Variants in CDH13 observed in about 807,000 individuals in gnomAD.
The protein encoded by CDH13 is cadherin-13.
Under a neutral mutation model 63.8 loss-of-function variants are expected in CDH13, and 24 were observed. The ratio of observed to expected loss-of-function variants is 0.38; its 90% CI spans 0.27 to 0.53. The LOEUF is 0.53. Among genes scored for constraint, CDH13 ranks in the 20% least tolerant of loss-of-function variants. The pLI is 0.85. For synonymous variants in CDH13, 503 were observed against 355.3 expected, an observed-to-expected ratio of 1.42 and a Z score of -4.67; for missense variants, 1,049 against 903.1, an observed-to-expected ratio of 1.16 and a Z score of -2.07.
At chr16:82,803,942 T>C (rs1243332801) in intron 1 of CDH13, among the ~76,000 whole-genome samples, 2 of 152,116 alleles carry the variant, frequency 1.3e-5, no homozygotes, top group Non-Finnish European at 2.9e-5. Flanking sequence ...TAAAAATGTG[T>C]TCAGAGGCTG....
intron 2 of CDH13, among the ~76,000 whole-genome samples, chr16:82,962,281 A>C (rs1209348477): frequency 1.3e-5 from 2 of 152,240 alleles, no homozygotes; most frequent in African/African-American, 2.4e-5. Context: ...TATGGCCCCA[A>C]GCCAAGGATT....
chr16:83,123,933 A>G (rs993207226), intron 3 of CDH13, among the ~76,000 whole-genome samples: 1 of 152,150 alleles, frequency 6.6e-6, no homozygotes, highest in African/African-American at 2.4e-5. Flanking sequence ...TTGTCGTTTC[A>G]ATTTGCATTT....
intron 1 of CDH13, among the ~76,000 whole-genome samples, chr16:82,676,749 G>A (rs562540640): frequency 6.6e-6 from 1 of 151,998 alleles, no homozygotes; most frequent in Non-Finnish European, 1.5e-5. Flanking sequence ...TCTGAGACCA[G>A]CCCCTCCATT....
intron 2 of CDH13, among the ~76,000 whole-genome samples, chr16:82,905,849 T>C (rs567448263): frequency 9.1e-4 from 138 of 152,338 alleles, no homozygotes; most frequent in Non-Finnish European, 1.5e-3. Flanking sequence ...TTTCAAATGC[T>C]TAGTAACCAC....
chr16:82,902,030 A>C (rs1032096363), intron 2 of CDH13, among the ~76,000 whole-genome samples: 1 of 152,238 alleles, frequency 6.6e-6, no homozygotes, highest in Non-Finnish European at 1.5e-5. Context: ...ATTACGTGGC[A>C]GAGTCAAGAC....
chr16:83,745,151 C>T (rs373700967), intron 10 of CDH13, among the ~76,000 whole-genome samples: 48 of 152,284 alleles, frequency 3.2e-4, no homozygotes, highest in South Asian at 1.0e-3. Context: ...ATGTAAGGCT[C>T]GATGCTGCTG....
At chr16:83,403,814 AC>A (rs1188669237) in intron 6 of CDH13, among the ~76,000 whole-genome samples, 1 of 152,156 alleles carries the variant, frequency 6.6e-6, no homozygotes, top group Non-Finnish European at 1.5e-5. Flanking sequence ...TTACCTAGAT[AC>A]AAAAAGTTCA....
chr16:83,128,632 C>T (rs1379170255), intron 4 of CDH13, among the ~76,000 whole-genome samples: 1 of 152,208 alleles, frequency 6.6e-6, no homozygotes, highest in East Asian at 1.9e-4. Flanking sequence ...ATGTAGCCAT[C>T]CTATAGTTTT....
At chr16:83,615,513 CT>C (rs572825392) in intron 8 of CDH13, among the ~76,000 whole-genome samples, 8 of 151,918 alleles carry the variant, frequency 5.3e-5, no homozygotes, top group South Asian at 2.1e-4. Context: ...ATATGTGAGG[CT>C]TTTTTTTCCT....
At chr16:82,897,470 C>G (rs1282320399) in intron 2 of CDH13, among the ~76,000 whole-genome samples, 2 of 152,252 alleles carry the variant, frequency 1.3e-5, no homozygotes, top group Non-Finnish European at 2.9e-5. Flanking sequence ...ACTTTTGGCT[C>G]TCTCAGCTAC....
chr16:83,581,738 G>A (rs1469144038), intron 7 of CDH13, among the ~76,000 whole-genome samples: 2 of 152,312 alleles, frequency 1.3e-5, no homozygotes, highest in African/African-American at 4.8e-5. Flanking sequence ...AGGATCACTT[G>A]AGCCCAGGAG....
At chr16:83,059,927 G>T (rs1001844460) in intron 3 of CDH13, among the ~76,000 whole-genome samples, 2 of 151,486 alleles carry the variant, frequency 1.3e-5, no homozygotes, top group African/African-American at 4.9e-5. Context: ...CCGAGTAGCT[G>T]GGACTACAGG....
At chr16:83,314,617 A>G (rs565032670) in intron 5 of CDH13, among the ~76,000 whole-genome samples, 6 of 152,282 alleles carry the variant, frequency 3.9e-5, no homozygotes, top group Non-Finnish European at 7.4e-5. Context: ...ACAACTTCAT[A>G]TGGGGCTCAG....
intron 6 of CDH13, among the ~76,000 whole-genome samples, chr16:83,353,106 T>C (rs777223714): frequency 2.6e-5 from 4 of 152,130 alleles, no homozygotes; most frequent in Non-Finnish European, 5.9e-5. Flanking sequence ...GTGTGAGAAA[T>C]TGCTTAATGA....
intron 7 of CDH13, among the ~76,000 whole-genome samples, chr16:83,553,474 T>C (rs1368958621): frequency 1.3e-5 from 2 of 152,238 alleles, no homozygotes; most frequent in South Asian, 2.1e-4. Context: ...ATATACAACA[T>C]TGTTTAGTTA....
chr16:83,443,807 T>G (rs904075330), intron 6 of CDH13, among the ~76,000 whole-genome samples: 1 of 145,918 alleles, frequency 6.9e-6, no homozygotes, highest in Non-Finnish European at 1.5e-5. Flanking sequence ...TGGTGGCATG[T>G]GCCTGTAGTC....
chr16:82,832,523 C>T (rs1387034892), intron 1 of CDH13, among the ~76,000 whole-genome samples: 4 of 151,380 alleles, frequency 2.6e-5, no homozygotes, highest in Non-Finnish European at 5.9e-5. Context: ...TAAGAAAATA[C>T]AGTCTATTAA....
intron 10 of CDH13, among the ~76,000 whole-genome samples, chr16:83,694,441 C>T (rs556500273): frequency 6.6e-6 from 1 of 152,272 alleles, no homozygotes; most frequent in East Asian, 1.9e-4. Flanking sequence ...GGATGGGGAG[C>T]AGTCAGGAAT....
At chr16:83,131,400 A>G (rs1026363261) in intron 4 of CDH13, among the ~76,000 whole-genome samples, 7 of 152,212 alleles carry the variant, frequency 4.6e-5, no homozygotes. Flanking sequence ...TTTGAACTCT[A>G]GACAGCAGGG....
Sources: allele counts gnomAD v4.1 joint callset (sites outside exome capture counted in the v4.1 genomes callset), GRCh38; gene constraint gnomAD v4.1.1; transcripts MANE v1.5; gene names NCBI Gene and HGNC (gene_info 2026-07-23, HGNC 2026-07-21).